The following VPS50 variants were observed in gnomAD, a reference collection of about 807,000 sequenced individuals.
VPS50 encodes the protein syndetin.
In VPS50, 70 loss-of-function variants were observed where a neutral mutation model predicts 139.7. The observed-to-expected ratio is 0.50, with a 90% CI of 0.41 to 0.61. VPS50 has a LOEUF of 0.61. Ranked by LOEUF, VPS50 falls within the 20% of genes least tolerant of loss-of-function variation. The probability of loss-of-function intolerance (pLI) is 0.00; values close to 1 mark genes in which losing one functional copy is unlikely to be tolerated. For synonymous variants in VPS50, 365 were observed against 376.7 expected (o/e 0.97, Z 0.36); for missense variants, 921 against 1,133.7 (o/e 0.81, Z 2.69).
intron 1 of VPS50, among the ~76,000 whole-genome samples, chr7:93,237,036 C>T (rs1468115003): frequency 3.4e-5 from 5 of 148,210 alleles, no homozygotes; most frequent in Admixed American, 1.3e-4. Context: ...CTGCAAGCTC[C>T]GCCTCCCGGG....
intron 23 of VPS50, among the ~76,000 whole-genome samples, chr7:93,345,194 C>T (rs1249119935): frequency 1.3e-5 from 2 of 152,202 alleles, no homozygotes; most frequent in Non-Finnish European, 2.9e-5. Flanking sequence ...GAGAATACTA[C>T]AAACACCTCT....
intron 23 of VPS50, among the ~76,000 whole-genome samples, chr7:93,343,984 A>G (rs1798306674): frequency 6.6e-6 from 1 of 152,216 alleles, no homozygotes. Flanking sequence ...TAACCATATT[A>G]ACTTTAAATG....
At chr7:93,326,776 T>TA (rs1240876659) in intron 21 of VPS50, among the ~76,000 whole-genome samples, 17 of 152,220 alleles carry the variant, frequency 1.1e-4, no homozygotes, top group African/African-American at 3.8e-4. Flanking sequence ...TAATACTACT[T>TA]ATGTTTCATA....
chr7:93,356,867 A>G (rs1251939265), intron 27 of VPS50, among the ~76,000 whole-genome samples: 1 of 152,170 alleles, frequency 6.6e-6, no homozygotes, highest in Non-Finnish European at 1.5e-5. Context: ...AATTATTTGT[A>G]TATACCTGCT....
intron 12 of VPS50, among the ~76,000 whole-genome samples, chr7:93,276,879 T>C (rs1274532077): frequency 6.6e-6 from 1 of 152,120 alleles, no homozygotes; most frequent in Non-Finnish European, 1.5e-5. Flanking sequence ...TTTGCTTTTA[T>C]AGGGAAGACT....
At chr7:93,335,660 G>A (rs1748872727) in intron 22 of VPS50, among the ~76,000 whole-genome samples, 1 of 151,450 alleles carries the variant, frequency 6.6e-6, no homozygotes, top group South Asian at 2.1e-4. Flanking sequence ...TCTGTGTTTC[G>A]ATTTTGATTC....
Position 93,311,183 on chromosome 7 carries a change from TA to T in VPS50, c.1771del (p.Ser591AlafsTer9). 4 of 1,326,358 alleles carry T rather than the reference TA, an allele frequency of 3.0e-6. No homozygotes were observed. The highest frequency in any genetic ancestry group is 4.4e-6 in the Non-Finnish European group (4 of 917,702). The allele number at this position is 1,326,358 out of a possible 1,614,324, so 82.2% of individuals were successfully genotyped here. A position where few individuals can be genotyped will look rare whatever the true frequency, so the allele number is the denominator to read the frequency against. On this transcript the variant is annotated frameshift_variant, in exon 20 of 28. Transcript: ENST00000305866. LOFTEE classifies it high-confidence loss of function. ...GPVKSVSRETLKSRKKSDYSL... is the reference protein window; with the variant it reads ...GPVKSVSRETXKSRKKSDYSL... ...ATATCAAGTGTTTCTCGGGAAACTC[TA>T]AAAAGCAGGAAGAAATCAGATTACA...
chr7:93,242,478 G>GATAT (rs147627921), intron 2 of VPS50, among the ~76,000 whole-genome samples: 120 of 148,838 alleles, frequency 8.1e-4, no homozygotes, highest in Non-Finnish European at 1.4e-3. Context: ...TTAACTTGGT[G>GATAT]ATATATATAT....
At chr7:93,306,401 C>G (rs1159603944) in intron 18 of VPS50, among the ~76,000 whole-genome samples, 3 of 152,002 alleles carry the variant, frequency 2.0e-5, no homozygotes, top group African/African-American at 7.2e-5. Flanking sequence ...TCATTTTGTT[C>G]CATGTCCCTT....
chr7:93,356,900 A>G (rs1487752853), intron 27 of VPS50, among the ~76,000 whole-genome samples: 2 of 152,184 alleles, frequency 1.3e-5, no homozygotes, highest in Non-Finnish European at 2.9e-5. Context: ...TTCTGGCCTT[A>G]ACACTGTAAA....
chr7:93,304,334 G>GT (rs924375937), intron 17 of VPS50, among the ~76,000 whole-genome samples: 11 of 150,996 alleles, frequency 7.3e-5, no homozygotes, highest in Admixed American at 4.6e-4. Context: ...ATAATTACAA[G>GT]TTTTTTTTTG....
At chr7:93,263,192 A>G (rs909687649) in intron 9 of VPS50, among the ~76,000 whole-genome samples, 1 of 152,206 alleles carries the variant, frequency 6.6e-6, no homozygotes, top group African/African-American at 2.4e-5. Flanking sequence ...GGGCTTGTGG[A>G]ACTTAGCCGA....
At chr7:93,302,726 A>C (rs903005408) in intron 16 of VPS50, among the ~76,000 whole-genome samples, 1 of 151,988 alleles carries the variant, frequency 6.6e-6, no homozygotes, top group East Asian at 1.9e-4. Context: ...TGTTTTTAGC[A>C]TGGTAGTAAC....
rs552925047 is a variant in VPS50, at chr7:93,301,376, T to G, written c.1362-2084T>G. Among the ~76,000 whole-genome samples the G allele has an allele frequency of 3.9e-5, 6 of 152,268 alleles. No individual in the cohort carries two copies. In the East Asian group the frequency reaches 1.2e-3, roughly 29 times the overall value. ...TATGCACTTATGTTCTACTGTAGTC[T>G]ATTTTAGGTAGTATACTTCCAGAAT... On this transcript the variant is annotated intron_variant, in intron 16 of 27. Coordinates refer to ENST00000305866, the MANE Select transcript of VPS50 (RefSeq NM_017667.4).
At chr7:93,312,870 T>C (rs1455103474) in intron 20 of VPS50, among the ~76,000 whole-genome samples, 1 of 152,138 alleles carries the variant, frequency 6.6e-6, no homozygotes, top group East Asian at 1.9e-4. Context: ...TCAGAATCAT[T>C]GTCATCCTCC....
intron 4 of VPS50, among the ~76,000 whole-genome samples, chr7:93,254,886 A>G (rs1406195320): frequency 6.6e-6 from 1 of 152,102 alleles, no homozygotes; most frequent in East Asian, 1.9e-4. Flanking sequence ...ATGATTTTTA[A>G]TAATGCAACT....
At chr7:93,293,023 A>G (rs1796695293) in intron 13 of VPS50, among the ~76,000 whole-genome samples, 1 of 152,276 alleles carries the variant, frequency 6.6e-6, no homozygotes, top group South Asian at 2.1e-4. Context: ...ACTTGAAGAC[A>G]CTGCTTATTT....
At chr7:93,232,957 A>G (rs939405796) in intron 1 of VPS50, among the ~76,000 whole-genome samples, 1 of 152,182 alleles carries the variant, frequency 6.6e-6, no homozygotes, top group Non-Finnish European at 1.5e-5. Context: ...CAAGTCCCCA[A>G]ACTTTGTAGC....
chr7:93,244,183 C>T (rs1795082978), intron 2 of VPS50, among the ~76,000 whole-genome samples: 1 of 151,782 alleles, frequency 6.6e-6, no homozygotes, highest in Non-Finnish European at 1.5e-5. Context: ...TTTTATACTT[C>T]ATCCATTCAA....
Sources: gnomAD v4.1 joint callset for allele counts (sites outside exome capture counted in the v4.1 genomes callset) on GRCh38, gnomAD v4.1.1 for gene constraint, MANE v1.5 for transcripts, NCBI Gene and HGNC (gene_info 2026-07-23, HGNC 2026-07-21) for gene names.